Variants in CRPPA observed in about 807,000 individuals in gnomAD.
CRPPA encodes D-ribitol-5-phosphate cytidylyltransferase.
A neutral mutation model predicts 52.0 loss-of-function variants in CRPPA; 43 were observed. That is an observed-to-expected ratio of 0.83 (90% CI 0.65 to 1.07). The LOEUF is 1.07. Among genes scored for constraint, CRPPA ranks in the 50% least tolerant of loss-of-function variants. The pLI, the probability that CRPPA is intolerant of heterozygous loss-of-function variation, is 0.00. For missense variants in CRPPA, 629 were observed against 551.7 expected (o/e 1.14, Z -1.40); for synonymous variants, 250 against 203.5 (o/e 1.23, Z -1.94).
At chr7:16,093,413 A>G (rs964474029) in intron 9 of CRPPA, among the ~76,000 whole-genome samples, 2 of 152,104 alleles carry the variant, frequency 1.3e-5, no homozygotes, top group African/African-American at 4.8e-5. Context: ...CACCACAACC[A>G]TTACATGCTC....
chr7:16,164,942 G>A (rs554566842), intron 9 of CRPPA, among the ~76,000 whole-genome samples: 13 of 151,980 alleles, frequency 8.6e-5, no homozygotes, highest in East Asian at 3.9e-4. Context: ...GGTGTATGTC[G>A]ACTCCTGCTG....
At chr7:16,136,354 A>AT in intron 9 of CRPPA, among the ~76,000 whole-genome samples, 1 of 152,208 alleles carries the variant, frequency 6.6e-6, no homozygotes, top group East Asian at 1.9e-4. Context: ...TAACCATGAG[A>AT]TAAGAACATT....
At chr7:16,204,871 A>T (rs113852160) in intron 9 of CRPPA, among the ~76,000 whole-genome samples, 1 of 152,164 alleles carries the variant, frequency 6.6e-6, no homozygotes, top group African/African-American at 2.4e-5. Context: ...ATTTTTTAAA[A>T]ATCATAACTT....
intron 2 of CRPPA, among the ~76,000 whole-genome samples, chr7:16,381,243 T>C (rs1787079007): frequency 6.6e-6 from 1 of 152,238 alleles, no homozygotes; most frequent in Non-Finnish European, 1.5e-5. Context: ...TTCATTTCGT[T>C]ATGTATCCAG....
intron 4 of CRPPA, among the ~76,000 whole-genome samples, chr7:16,301,864 G>GA (rs1036856180): frequency 6.6e-5 from 10 of 152,122 alleles, no homozygotes; most frequent in South Asian, 4.1e-4. Flanking sequence ...ATTCTTAGCT[G>GA]AAATAATTCT....
At chr7:16,317,580 G>C (rs1785171637) in intron 3 of CRPPA, among the ~76,000 whole-genome samples, 1 of 152,120 alleles carries the variant, frequency 6.6e-6, no homozygotes, top group Non-Finnish European at 1.5e-5. Flanking sequence ...GTTAAAAATA[G>C]TGGGATTTAT....
At chr7:16,397,862 AAC>A (rs1787651781) in intron 2 of CRPPA, among the ~76,000 whole-genome samples, 1 of 152,202 alleles carries the variant, frequency 6.6e-6, no homozygotes, top group African/African-American at 2.4e-5. Context: ...TCACGTGATC[AAC>A]ACGTGTGTAA....
chr7:16,195,918 C>G (rs980767492), intron 9 of CRPPA, among the ~76,000 whole-genome samples: 1 of 152,112 alleles, frequency 6.6e-6, no homozygotes, highest in Non-Finnish European at 1.5e-5. Flanking sequence ...TGCCAACCCC[C>G]CTTCCCCACA....
chr7:16,398,231 ACTGACACGT>A (rs1562680742), intron 2 of CRPPA, among the ~76,000 whole-genome samples: 1 of 43,448 alleles, frequency 2.3e-5, no homozygotes, highest in African/African-American at 1.8e-4. Context: ...TAATAACGTG[ACTGACACGT>A]GACCAACACG....
intron 9 of CRPPA, among the ~76,000 whole-genome samples, chr7:16,196,383 A>G (rs1422410231): frequency 6.6e-6 from 1 of 152,124 alleles, no homozygotes; most frequent in East Asian, 1.9e-4. Flanking sequence ...TCAAAAAAAT[A>G]TATGTCTTCT....
chr7:16,171,384 CTTG>C (rs1217388053), intron 9 of CRPPA, among the ~76,000 whole-genome samples: 1 of 152,002 alleles, frequency 6.6e-6, no homozygotes, highest in Non-Finnish European at 1.5e-5. Context: ...TTAAATGTAT[CTTG>C]TTGATTTTTA....
At chr7:16,276,340 T>C (rs1226800464) in intron 6 of CRPPA, among the ~76,000 whole-genome samples, 1 of 152,160 alleles carries the variant, frequency 6.6e-6, no homozygotes. Flanking sequence ...TCAGCCAAAA[T>C]GACTATAATT....
chr7:16,355,768 G>A (rs1359461355), intron 3 of CRPPA, among the ~76,000 whole-genome samples: 1 of 152,144 alleles, frequency 6.6e-6, no homozygotes, highest in African/African-American at 2.4e-5. Context: ...AACTAGAGTG[G>A]TTTGGGTGTT....
chr7:16,212,427 CCTT>C (rs952579499), intron 9 of CRPPA, among the ~76,000 whole-genome samples: 50 of 152,294 alleles, frequency 3.3e-4, no homozygotes, highest in African/African-American at 1.2e-3. Context: ...TGCTCCTCAG[CCTT>C]CTTCTGATGG....
At chr7:16,353,149 A>G (rs979300353) in intron 3 of CRPPA, among the ~76,000 whole-genome samples, 1 of 152,002 alleles carries the variant, frequency 6.6e-6, no homozygotes, top group Non-Finnish European at 1.5e-5. Context: ...TGAGCCCAGG[A>G]GTTCGAGACC....
intron 3 of CRPPA, among the ~76,000 whole-genome samples, chr7:16,353,017 A>C (rs6979033): frequency 0.92 from 139,793 of 152,020 alleles, 64,610 homozygotes; most frequent in East Asian, 0.98. Flanking sequence ...GTAAAATAAG[A>C]CAGGGACAGA....
chr7:16,227,276 C>T (rs932714899), intron 8 of CRPPA, among the ~76,000 whole-genome samples: 1 of 151,652 alleles, frequency 6.6e-6, no homozygotes, highest in Admixed American at 6.6e-5. Context: ...GTAGATGATA[C>T]ATTAGTTCTA....
intron 3 of CRPPA, among the ~76,000 whole-genome samples, chr7:16,345,297 T>C (rs1785983393): frequency 6.6e-6 from 1 of 152,152 alleles, no homozygotes. Flanking sequence ...CATTCCCAGG[T>C]AAGCAAAAGC....
At chr7:16,259,264 CAGAAT>C (rs762898634) in intron 6 of CRPPA, among the ~76,000 whole-genome samples, 20 of 151,892 alleles carry the variant, frequency 1.3e-4, no homozygotes, top group Non-Finnish European at 2.8e-4. Flanking sequence ...TGGACATAAA[CAGAAT>C]ATATTCTGGA....
Sources: allele counts gnomAD v4.1 joint callset (sites outside exome capture counted in the v4.1 genomes callset), GRCh38; gene constraint gnomAD v4.1.1; transcripts MANE v1.5; gene names NCBI Gene and HGNC (gene_info 2026-07-23, HGNC 2026-07-21).